DLG2: variants seen among roughly 807,000 people sequenced by gnomAD.
DLG2 encodes disks large homolog 2.
A neutral mutation model predicts 132.5 loss-of-function variants in DLG2; 45 were observed. That is an observed-to-expected ratio of 0.34 (90% CI 0.27 to 0.44). DLG2 has a LOEUF of 0.44. Among genes scored for constraint, DLG2 ranks in the 20% least tolerant of loss-of-function variants. The pLI is 1.00. For synonymous variants in DLG2, 424 were observed against 419.6 expected (o/e 1.01, Z -0.13); for missense variants, 1,045 against 1,196.9 (o/e 0.87, Z 1.87).
At chr11:83,870,404 C>T (rs1343685322) in intron 16 of DLG2, among the ~76,000 whole-genome samples, 1 of 152,184 alleles carries the variant, frequency 6.6e-6, no homozygotes, top group Non-Finnish European at 1.5e-5. Context: ...AAGATAATGG[C>T]CTCCAGTTCC....
At chr11:85,087,865 A>AAAAAAAAAAAAAAAAAAAAG in intron 6 of DLG2, among the ~76,000 whole-genome samples, 1 of 148,656 alleles carries the variant, frequency 6.7e-6, no homozygotes, top group Non-Finnish European at 1.5e-5. Context: ...AAAAAAAAAA[A>AAAAAAAAAAAAAAAAAAAAG]AAAACAGATC....
chr11:84,077,978 A>G (rs926651044), intron 10 of DLG2, among the ~76,000 whole-genome samples: 12 of 152,204 alleles, frequency 7.9e-5, no homozygotes, highest in Non-Finnish European at 4.4e-5. Context: ...ATTCCAAACA[A>G]TAAAAATAAT....
chr11:83,499,817 C>A (rs2094351000), intron 21 of DLG2, among the ~76,000 whole-genome samples: 2 of 130,200 alleles, frequency 1.5e-5, no homozygotes, highest in Non-Finnish European at 1.6e-5. Context: ...TATATTTCCT[C>A]TAATAGGATA....
chr11:83,950,161 C>T lies in DLG2; in HGVS notation c.1340+12724G>A, dbSNP rs531477788. Among the ~76,000 whole-genome samples the T allele has an allele frequency of 7.2e-5, 11 of 152,258 alleles. No individual in the cohort carries two copies. The South Asian group carries it at 2.1e-3, about 29-fold the overall frequency. On this transcript the variant is annotated intron_variant, in intron 14 of 27. Coordinates refer to ENST00000376104, the MANE Select transcript of DLG2 (RefSeq NM_001142699.3). Reference sequence around the variant, plus strand: ...ACTATGCAAATTAACCAATGTATATCAAAGCACTTTGTAAACTGAAAGGTA... The same window carrying T: ...ACTATGCAAATTAACCAATGTATATTAAAGCACTTTGTAAACTGAAAGGTA...
chr11:85,245,418 A>G (rs1005759125), intron 4 of DLG2, among the ~76,000 whole-genome samples: 1 of 151,938 alleles, frequency 6.6e-6, no homozygotes, highest in Admixed American at 6.6e-5. Flanking sequence ...TTTCTTTTAC[A>G]TGCCATAGCC....
chr11:83,998,299 A>C (rs2094157448), intron 11 of DLG2, among the ~76,000 whole-genome samples: 2 of 152,212 alleles, frequency 1.3e-5, no homozygotes, highest in Non-Finnish European at 2.9e-5. Flanking sequence ...TTTGTTATAA[A>C]ATAAATAAAA....
intron 6 of DLG2, among the ~76,000 whole-genome samples, chr11:84,807,009 G>A (rs2076071194): frequency 6.6e-6 from 1 of 152,124 alleles, no homozygotes; most frequent in Non-Finnish European, 1.5e-5. Context: ...CAACACCTAA[G>A]AGGAGGAATT....
chr11:85,299,538 A>G (rs473968), intron 3 of DLG2, among the ~76,000 whole-genome samples: 123,154 of 152,046 alleles, frequency 0.81, 50,435 homozygotes, highest in Middle Eastern at 0.89. Context: ...TGCACTTTGC[A>G]TTTATCTTGT....
intron 15 of DLG2, among the ~76,000 whole-genome samples, chr11:83,901,823 G>T (rs12791107): frequency 1.3e-5 from 2 of 152,080 alleles, no homozygotes; most frequent in Non-Finnish European, 2.9e-5. Context: ...GGTTACCTTG[G>T]TAAGTCCACT....
At chr11:84,960,522 G>A (rs1436717257) in intron 6 of DLG2, among the ~76,000 whole-genome samples, 2 of 150,692 alleles carry the variant, frequency 1.3e-5, no homozygotes, top group Non-Finnish European at 3.0e-5. Flanking sequence ...TGCAACCTCC[G>A]CCTCCTGGGT....
At chr11:85,586,380 C>T (rs866040445) in intron 3 of DLG2, among the ~76,000 whole-genome samples, 3 of 151,910 alleles carry the variant, frequency 2.0e-5, no homozygotes, top group Non-Finnish European at 2.9e-5. Context: ...CTTTCAATTT[C>T]GCTGCTTGTT....
intron 7 of DLG2, among the ~76,000 whole-genome samples, chr11:84,305,485 T>C (rs181085421): frequency 4.0e-4 from 61 of 152,180 alleles, no homozygotes; most frequent in African/African-American, 1.4e-3. Flanking sequence ...ACAAGGAAAA[T>C]TGCAGATGGT....
At chr11:84,300,758 T>C (rs974029240) in intron 7 of DLG2, among the ~76,000 whole-genome samples, 2 of 152,212 alleles carry the variant, frequency 1.3e-5, no homozygotes, top group African/African-American at 2.4e-5. Flanking sequence ...ATAGCAATGT[T>C]CTTCAATTTT....
Position 83,978,644 on chromosome 11 carries a change from C to T in DLG2, c.1056+1862G>A, listed in dbSNP as rs1029495400. On this transcript the variant is annotated intron_variant, in intron 12 of 27. Coordinates refer to ENST00000376104, the MANE Select transcript of DLG2 (RefSeq NM_001142699.3). ...GTAGTGGCTTCAGGTGGTAAAGCAG[C>T]CCACAACTGTTAACTTTAACTTTGA... Among the ~76,000 whole-genome samples the T allele has an allele frequency of 3.9e-5, 6 of 152,040 alleles. No individual in the cohort carries two copies. In the South Asian group the frequency reaches 1.2e-3, roughly 32 times the overall value.
chr11:84,612,052 A>T (rs2154537793), intron 6 of DLG2, among the ~76,000 whole-genome samples: 1 of 152,238 alleles, frequency 6.6e-6, no homozygotes, highest in South Asian at 2.1e-4. Flanking sequence ...GATAATGAAC[A>T]TATCCATTGC....
chr11:84,852,357 C>T (rs531138054), intron 6 of DLG2, among the ~76,000 whole-genome samples: 1 of 152,118 alleles, frequency 6.6e-6, no homozygotes, highest in Non-Finnish European at 1.5e-5. Context: ...CAAGTCTGAA[C>T]CTTACTTATG....
At chr11:83,613,901 A>G (rs896899306) in intron 19 of DLG2, among the ~76,000 whole-genome samples, 1 of 152,214 alleles carries the variant, frequency 6.6e-6, no homozygotes, top group Non-Finnish European at 1.5e-5. Flanking sequence ...GATTTAGAGT[A>G]GGTCTGGGCT....
chr11:85,257,692 A>C (rs1435485830), intron 4 of DLG2, among the ~76,000 whole-genome samples: 1 of 152,216 alleles, frequency 6.6e-6, no homozygotes, highest in Non-Finnish European at 1.5e-5. Flanking sequence ...TTTGTACAAT[A>C]AGATTGTAAA....
At chr11:83,864,269 T>TC (rs2154053797) in intron 16 of DLG2, among the ~76,000 whole-genome samples, 1 of 152,324 alleles carries the variant, frequency 6.6e-6, no homozygotes, top group South Asian at 2.1e-4. Flanking sequence ...TACAAAGATA[T>TC]AATCACACTG....
Sources: allele counts gnomAD v4.1 joint callset (sites outside exome capture counted in the v4.1 genomes callset), GRCh38; gene constraint gnomAD v4.1.1; transcripts MANE v1.5; gene names NCBI Gene and HGNC (gene_info 2026-07-23, HGNC 2026-07-21).